The following PPP2R3A variants were observed in gnomAD, a reference collection of about 807,000 sequenced individuals.
The protein encoded by PPP2R3A is protein phosphatase 2 regulatory subunit B''alpha.
In PPP2R3A, 80 loss-of-function variants were observed where a neutral mutation model predicts 106.9. The ratio of observed to expected loss-of-function variants is 0.75; its 90% CI spans 0.62 to 0.90. The LOEUF is 0.90. PPP2R3A is among the 40% of genes least tolerant of loss of function. The probability of loss-of-function intolerance (pLI) is 0.00; values close to 1 mark genes in which losing one functional copy is unlikely to be tolerated. For missense variants in PPP2R3A, 1,386 were observed against 1,350.4 expected (o/e 1.03, Z -0.41); for synonymous variants, 483 against 468.3 (o/e 1.03, Z -0.41).
At chr3:135,994,170 C>T (rs184015629) in intron 1 of PPP2R3A, among the ~76,000 whole-genome samples, 3 of 152,324 alleles carry the variant, frequency 2.0e-5, no homozygotes, top group East Asian at 3.9e-4. Context: ...GTGGGCTTCA[C>T]TGTAAGATGA....
intron 5 of PPP2R3A, among the ~76,000 whole-genome samples, chr3:136,057,195 A>G (rs1486899878): frequency 6.6e-6 from 1 of 152,190 alleles, no homozygotes; most frequent in Non-Finnish European, 1.5e-5. Context: ...AATATCCAAA[A>G]GAAAGGAAAT....
chr3:136,106,163 A>T, intron 12 of PPP2R3A, 53 bp from the exon 13 acceptor site: 1 of 1,464,370 alleles, frequency 6.8e-7, no homozygotes, highest in Non-Finnish European at 9.4e-7. Flanking sequence ...TCTATCTCCA[A>T]TTCTTTGTCT....
intron 1 of PPP2R3A, among the ~76,000 whole-genome samples, chr3:135,978,526 A>G (rs1436396541): frequency 6.6e-6 from 1 of 151,460 alleles, no homozygotes; most frequent in African/African-American, 2.4e-5. Context: ...TTAAAATTCT[A>G]AAAAGGAAAG....
chr3:136,129,395 G>T (rs892873686), intron 13 of PPP2R3A, among the ~76,000 whole-genome samples: 8 of 152,270 alleles, frequency 5.3e-5, no homozygotes, highest in South Asian at 2.1e-4. Flanking sequence ...ACACCTCTAT[G>T]CAAATAAACT....
chr3:136,097,164 T>G (rs997327192), intron 10 of PPP2R3A, among the ~76,000 whole-genome samples: 1 of 151,992 alleles, frequency 6.6e-6, no homozygotes, highest in Non-Finnish European at 1.5e-5. Context: ...TCAATACTTT[T>G]AGGCTCTGAG....
chr3:136,116,959 T>A (rs1378727687), intron 13 of PPP2R3A, among the ~76,000 whole-genome samples: 1 of 152,192 alleles, frequency 6.6e-6, no homozygotes, highest in Non-Finnish European at 1.5e-5. Context: ...CACATCGCAC[T>A]TATTCTACAA....
At chr3:136,139,510 T>C (rs750753238) in intron 13 of PPP2R3A, among the ~76,000 whole-genome samples, 1 of 151,698 alleles carries the variant, frequency 6.6e-6, no homozygotes, top group African/African-American at 2.4e-5. Context: ...CTAGCCAACA[T>C]GGTGAAACCC....
Position 136,126,169 on chromosome 3 carries a change from A to G in PPP2R3A, c.3330-18874A>G, listed in dbSNP as rs571196378. Among the ~76,000 whole-genome samples, 12 of 152,334 alleles carry G rather than the reference A, an allele frequency of 7.9e-5. No homozygotes were observed. In the South Asian group the frequency reaches 2.5e-3, roughly 32 times the overall value. On this transcript the variant is annotated intron_variant, in intron 13 of 13. Transcript: ENST00000264977. ...CAGTGGGTGCAGCCCACAGAGGGCA[A>G]GCACCTCACCCAGGAAGCACAAGGG...
At chr3:136,067,772 T>A (rs1936305361) in intron 5 of PPP2R3A, among the ~76,000 whole-genome samples, 1 of 152,200 alleles carries the variant, frequency 6.6e-6, no homozygotes, top group Non-Finnish European at 1.5e-5. Flanking sequence ...TGGGCACCTT[T>A]CACACCCAGA....
chr3:136,036,040 G>A (rs1037318849), intron 3 of PPP2R3A, among the ~76,000 whole-genome samples: 7 of 151,670 alleles, frequency 4.6e-5, no homozygotes, highest in Admixed American at 3.3e-4. Flanking sequence ...AGCATTTTGC[G>A]TTTCTATAAG....
chr3:135,986,972 A>G (rs555308474), intron 1 of PPP2R3A, among the ~76,000 whole-genome samples: 1 of 152,250 alleles, frequency 6.6e-6, no homozygotes, highest in East Asian at 1.9e-4. Flanking sequence ...TTTTTTAACT[A>G]AAGCCAGTCA....
intron 12 of PPP2R3A, among the ~76,000 whole-genome samples, chr3:136,104,717 G>A (rs1937472364): frequency 1.3e-5 from 2 of 152,140 alleles, no homozygotes; most frequent in South Asian, 4.1e-4. Context: ...GTCTTAAAAG[G>A]AGTTAAATAT....
intron 13 of PPP2R3A, among the ~76,000 whole-genome samples, chr3:136,134,703 G>T (rs1402177274): frequency 6.6e-6 from 1 of 152,018 alleles, no homozygotes; most frequent in Non-Finnish European, 1.5e-5. Flanking sequence ...ATTTATAAAG[G>T]TTCATGTAAT....
At chr3:135,986,454 C>G (rs1465132195) in intron 1 of PPP2R3A, among the ~76,000 whole-genome samples, 1 of 152,114 alleles carries the variant, frequency 6.6e-6, no homozygotes, top group Non-Finnish European at 1.5e-5. Flanking sequence ...TGCTGCTGAA[C>G]TTGACATATT....
chr3:135,992,897 C>G (rs1239492726), intron 1 of PPP2R3A, among the ~76,000 whole-genome samples: 1 of 152,056 alleles, frequency 6.6e-6, no homozygotes, highest in African/African-American at 2.4e-5. Context: ...AGGAGAGATG[C>G]AAGGAAGGAG....
intron 6 of PPP2R3A, among the ~76,000 whole-genome samples, chr3:136,077,621 T>C (rs1371788532): frequency 1.3e-5 from 2 of 148,872 alleles, no homozygotes; most frequent in African/African-American, 5.0e-5. Context: ...GCAGGTAAAA[T>C]TGTTAAGAAT....
chr3:136,043,694 C>T lies in PPP2R3A; in HGVS notation c.2366+2732C>T, dbSNP rs564897974. On this transcript the variant is annotated intron_variant, in intron 4 of 13. Transcript: ENST00000264977. ...CTAGAGTATCAGCTTTTGGGCAGAA[C>T]TCATCTCAAATGGAATCAATAATAT... Among the ~76,000 whole-genome samples, 8 of 152,284 alleles carry T rather than the reference C, an allele frequency of 5.3e-5. No individual in the cohort carries two copies. In the East Asian group the frequency reaches 1.5e-3, roughly 29 times the overall value.
chr3:136,011,052 A>AT (rs1303537560), intron 2 of PPP2R3A, among the ~76,000 whole-genome samples: 1 of 151,984 alleles, frequency 6.6e-6, no homozygotes, highest in Non-Finnish European at 1.5e-5. Context: ...TATACCAGAC[A>AT]TATTCCCATT....
intron 1 of PPP2R3A, among the ~76,000 whole-genome samples, chr3:135,991,605 C>G (rs1290209721): frequency 6.6e-6 from 1 of 152,132 alleles, no homozygotes; most frequent in Non-Finnish European, 1.5e-5. Flanking sequence ...CAAAATAGTT[C>G]TCTGGTAAAA....
Sources: gnomAD v4.1 joint callset for allele counts (sites outside exome capture counted in the v4.1 genomes callset) on GRCh38, gnomAD v4.1.1 for gene constraint, MANE v1.5 for transcripts, NCBI Gene and HGNC (gene_info 2026-07-23, HGNC 2026-07-21) for gene names.